DYM: variants seen among roughly 807,000 people sequenced by gnomAD.
DYM encodes the protein dymeclin, also known as dyggve-Melchior-Clausen syndrome protein.
In DYM, 78 loss-of-function variants were observed where a neutral mutation model predicts 93.1. That is an observed-to-expected ratio of 0.84 (90% CI 0.70 to 1.01). DYM has a LOEUF of 1.01. Among genes scored for constraint, DYM ranks in the 50% least tolerant of loss-of-function variants. DYM has a pLI of 0.00. For missense variants in DYM, 789 were observed against 845.0 expected, an observed-to-expected ratio of 0.93 and a Z score of 0.82; for synonymous variants, 321 against 319.7, an observed-to-expected ratio of 1.00 and a Z score of -0.04.
At chr18:49,293,106 T>C (rs2060273061) in intron 8 of DYM, among the ~76,000 whole-genome samples, 1 of 152,202 alleles carries the variant, frequency 6.6e-6, no homozygotes, top group African/African-American at 2.4e-5. Flanking sequence ...GTTAATTTGC[T>C]GAGAATGATG....
intron 2 of DYM, among the ~76,000 whole-genome samples, chr18:49,396,696 A>AT (rs1276157845): frequency 6.6e-6 from 1 of 152,170 alleles, no homozygotes; most frequent in Non-Finnish European, 1.5e-5. Flanking sequence ...CAATGGATGA[A>AT]TTTTTTTAAT....
intron 17 of DYM, among the ~76,000 whole-genome samples, chr18:49,065,608 C>T (rs2076328600): frequency 6.6e-6 from 1 of 152,050 alleles, no homozygotes; most frequent in Non-Finnish European, 1.5e-5. Context: ...GTGATCTGCC[C>T]ACCTTGGCCT....
At chr18:49,445,549 GA>G (rs532978831) in intron 1 of DYM, among the ~76,000 whole-genome samples, 1 of 151,926 alleles carries the variant, frequency 6.6e-6, no homozygotes, top group Non-Finnish European at 1.5e-5. Flanking sequence ...AACAGGAGGA[GA>G]AAAAATAGAA....
intron 14 of DYM, among the ~76,000 whole-genome samples, chr18:49,200,682 G>A (rs1415608461): frequency 6.6e-6 from 1 of 151,508 alleles, no homozygotes; most frequent in East Asian, 1.9e-4. Context: ...ATGACTTTTG[G>A]TAAATACTTC....
Position 49,083,622 on chromosome 18 carries a change from T to C in DYM, c.2025+13780A>G, listed in dbSNP as rs1300211294. 2.8e-4 allele frequency among the ~76,000 whole-genome samples: 43 copies of C among 152,244 alleles called. 1 individual carries two copies. The highest frequency in any genetic ancestry group is 2.8e-3 in the Admixed American group (43 of 15,286). On this transcript the variant is annotated intron_variant, in intron 17 of 17. Transcript: ENST00000675505. ...AAAACTATTTACCAGTGAAGACATA[T>C]GAGCCTGTGTTCTTCTTTATGGGAA...
At chr18:49,240,636 C>T (rs2093987988) in intron 13 of DYM, among the ~76,000 whole-genome samples, 1 of 152,082 alleles carries the variant, frequency 6.6e-6, no homozygotes, top group South Asian at 2.1e-4. Flanking sequence ...TTAATTTTGA[C>T]TTGAAAATTT....
chr18:49,254,339 G>A (rs1179407862), intron 13 of DYM, among the ~76,000 whole-genome samples: 2 of 138,050 alleles, frequency 1.4e-5, no homozygotes, highest in Non-Finnish European at 3.1e-5. Flanking sequence ...CACATAGATG[G>A]GTCCTGGTCT....
chr18:49,299,938 G>A (rs954755524), intron 8 of DYM, among the ~76,000 whole-genome samples: 56 of 151,010 alleles, frequency 3.7e-4, no homozygotes, highest in African/African-American at 1.3e-3. Flanking sequence ...AGCTACTCGG[G>A]AGGCTGAAGC....
intron 12 of DYM, 119 bp from the exon 13 acceptor site, chr18:49,257,223 T>A: frequency 1.3e-6 from 1 of 775,248 alleles, no homozygotes; most frequent in South Asian, 1.5e-5. Context: ...AAAGTTCAGA[T>A]CCACTATCTC....
chr18:49,214,523 TATAC>T, intron 13 of DYM, among the ~76,000 whole-genome samples: 1 of 143,812 alleles, frequency 7.0e-6, no homozygotes, highest in African/African-American at 2.6e-5. Context: ...TGTCACAGAA[TATAC>T]ATTTAAATAG....
At chr18:49,178,643 TAA>T in intron 14 of DYM, among the ~76,000 whole-genome samples, 1 of 152,150 alleles carries the variant, frequency 6.6e-6, no homozygotes, top group African/African-American at 2.4e-5. Flanking sequence ...TCCAAAATGA[TAA>T]AATTATAATT....
intron 5 of DYM, among the ~76,000 whole-genome samples, chr18:49,377,352 G>A: frequency 6.6e-6 from 1 of 152,098 alleles, no homozygotes; most frequent in East Asian, 1.9e-4. Flanking sequence ...TTGAGGTCAG[G>A]AGTTCAAGAT....
intron 5 of DYM, among the ~76,000 whole-genome samples, chr18:49,370,446 A>G (rs2066926781): frequency 6.6e-6 from 1 of 152,030 alleles, no homozygotes; most frequent in Non-Finnish European, 1.5e-5. Context: ...TCCCTCATTT[A>G]AAAAATAAAT....
chr18:49,101,101 C>T (rs1382992255), intron 16 of DYM, among the ~76,000 whole-genome samples: 1 of 152,164 alleles, frequency 6.6e-6, no homozygotes, highest in Non-Finnish European at 1.5e-5. Flanking sequence ...ATGATGACTA[C>T]AACAGATGTG....
chr18:49,102,826 T>G (rs544072256), intron 16 of DYM, among the ~76,000 whole-genome samples: 2 of 152,224 alleles, frequency 1.3e-5, no homozygotes, highest in Admixed American at 6.5e-5. Context: ...TGATGGACAT[T>G]TGGCTTGGTT....
At chr18:49,420,931 G>A (rs1474886324) in intron 2 of DYM, among the ~76,000 whole-genome samples, 3 of 152,162 alleles carry the variant, frequency 2.0e-5, no homozygotes, top group African/African-American at 4.8e-5. Flanking sequence ...AGCAGTCTGA[G>A]ATCAAACTAC....
chr18:49,221,589 A>G (rs529308511), intron 13 of DYM, among the ~76,000 whole-genome samples: 1 of 152,368 alleles, frequency 6.6e-6, no homozygotes, highest in East Asian at 1.9e-4. Flanking sequence ...AAAGATGATG[A>G]GTTCATGTCC....
chr18:49,074,874 C>G (rs1035420444), intron 17 of DYM, among the ~76,000 whole-genome samples: 1 of 152,192 alleles, frequency 6.6e-6, no homozygotes, highest in Non-Finnish European at 1.5e-5. Flanking sequence ...CAGATCGTCT[C>G]AAATTCAGAA....
chr18:49,341,880 G>A (rs2064185457), intron 6 of DYM, among the ~76,000 whole-genome samples: 1 of 152,114 alleles, frequency 6.6e-6, no homozygotes, highest in South Asian at 2.1e-4. Flanking sequence ...TTTGCTAAAG[G>A]TGTCTGCTTT....
Sources: gnomAD v4.1 joint callset for allele counts (sites outside exome capture counted in the v4.1 genomes callset) on GRCh38, gnomAD v4.1.1 for gene constraint, MANE v1.5 for transcripts, NCBI Gene and HGNC (gene_info 2026-07-23, HGNC 2026-07-21) for gene names.